The following ZNF595 variants were observed in gnomAD, a reference collection of about 807,000 sequenced individuals.
The protein encoded by ZNF595 is zinc finger protein 595.
ZNF595 carries 9 observed loss-of-function variants against 19.4 expected under a neutral mutation model. The ratio of observed to expected loss-of-function variants is 0.46; its 90% confidence interval spans 0.28 to 0.81. The LOEUF is 0.81. Ranked by LOEUF, ZNF595 falls within the 30% of genes least tolerant of loss-of-function variation. The pLI is 0.11. For missense variants in ZNF595, 729 were observed against 736.0 expected (o/e 0.99, Z 0.11); for synonymous variants, 255 against 255.9 (o/e 1.00, Z 0.03).
At chr4:72,500 A>C (rs541885978) in intron 3 of ZNF595, among the ~76,000 whole-genome samples, 1 of 152,294 alleles carries the variant, frequency 6.6e-6, no homozygotes, top group East Asian at 1.9e-4. Flanking sequence ...ATGGTGGAGA[A>C]TTTGCAATAG....
intron 3 of ZNF595, among the ~76,000 whole-genome samples, chr4:79,313 A>T (rs1449202572): frequency 6.6e-6 from 1 of 152,210 alleles, no homozygotes; most frequent in Non-Finnish European, 1.5e-5. Context: ...TTGTATGTAT[A>T]TGTCACATTT....
In ZNF595 at chr4:87,247, A is replaced by C. The variant is rs375240093; in HGVS notation, c.1743A>C (p.Lys581Asn). The C allele has an allele frequency of 3.1e-6, 5 of 1,594,742 alleles. No homozygotes were observed. In the African/African-American group the frequency reaches 5.4e-5, roughly 17 times the overall value. The change falls in exon 4 of 4, where the codon AAA becomes AAC. Residue 581 changes from lysine to asparagine, a missense_variant. This residue lies in a region of ZNF595 where 729 missense variants were observed against 675.3 expected (regional missense o/e 1.08). Coordinates refer to ENST00000610261, the MANE Select transcript of ZNF595 (RefSeq NM_182524.4). ...KAYNLSSTLT[K>N]HKRIHTGEKP... is the part of the protein sequence containing the mutation. Reference sequence around the variant, plus strand: ...ATAACTTATCCTCAACCCTTACTAAACATAAGAGAATTCATACTGGAGAGA... The same window carrying C: ...ATAACTTATCCTCAACCCTTACTAACCATAAGAGAATTCATACTGGAGAGA...
chr4:61,545 T>C (rs1341452810), intron 3 of ZNF595, among the ~76,000 whole-genome samples: 7 of 152,052 alleles, frequency 4.6e-5, no homozygotes, highest in African/African-American at 1.7e-4. Context: ...TATTATCTTA[T>C]AATTTTGTCT....
chr4:61,157 CTTTTTTT>C (rs1212049874), intron 3 of ZNF595, among the ~76,000 whole-genome samples: 43 of 147,476 alleles, frequency 2.9e-4, no homozygotes, highest in Admixed American at 5.4e-4. Flanking sequence ...TTCTTTTTTT[CTTTTTTT>C]TTTTTTTGAG....
At chr4:72,321 C>T (rs1713465390) in intron 3 of ZNF595, among the ~76,000 whole-genome samples, 1 of 151,874 alleles carries the variant, frequency 6.6e-6, no homozygotes, top group South Asian at 2.1e-4. Context: ...GGAGCTATTT[C>T]ACACAGAATC....
intron 3 of ZNF595, among the ~76,000 whole-genome samples, chr4:61,014 T>C (rs1712836916): frequency 1.3e-5 from 2 of 152,084 alleles, no homozygotes; most frequent in Admixed American, 6.5e-5. Context: ...TGATAGCCGA[T>C]GAGCTAAGAA....
chr4:85,325 A>G (rs1714086398), intron 3 of ZNF595, among the ~76,000 whole-genome samples: 1 of 152,184 alleles, frequency 6.6e-6, no homozygotes, highest in Non-Finnish European at 1.5e-5. Context: ...CAGAAACCAG[A>G]TTTTGTAAAG....
At position 86,973 on chromosome 4, in the gene ZNF595, T is replaced by C. The variant is rs1340844974; in HGVS notation, c.1469T>C (p.Ile490Thr). ...TGTGAAGAATGTGGCAAAGCTTTCATATGGTCCGCAAGCCTGAATGAACAT... is the reference window on the plus strand; with the variant it reads ...TGTGAAGAATGTGGCAAAGCTTTCACATGGTCCGCAAGCCTGAATGAACAT... ...YKCEECGKAF[I>T]WSASLNEHKN... The change falls in exon 4 of 4, where the codon ATA (isoleucine) becomes ACA (threonine). Residue 490 changes from isoleucine to threonine, a missense_variant. By Grantham distance (89) the Ile-to-Thr change is moderately conservative. Transcript: ENST00000610261. The C allele has an allele frequency of 1.9e-6, 3 of 1,604,948 alleles. No homozygotes were observed. Among genetic ancestry groups the C allele is most frequent in the Non-Finnish European group, 2.5e-6 (3 of 1,177,312 alleles).
chr4:82,186 T>G (rs1265352456), intron 3 of ZNF595, among the ~76,000 whole-genome samples: 1 of 152,118 alleles, frequency 6.6e-6, no homozygotes, highest in Non-Finnish European at 1.5e-5. Context: ...CCCTTGAAAT[T>G]CCCTATAATT....
intron 3 of ZNF595, among the ~76,000 whole-genome samples, chr4:69,523 T>G (rs1283661750): frequency 1.3e-5 from 2 of 152,220 alleles, no homozygotes; most frequent in Non-Finnish European, 2.9e-5. Context: ...TATACCTTTT[T>G]GTTATTTGTA....
chr4:77,533 C>T (rs1713722332), intron 3 of ZNF595, among the ~76,000 whole-genome samples: 1 of 152,148 alleles, frequency 6.6e-6, no homozygotes, highest in Non-Finnish European at 1.5e-5. Context: ...ATACCTCTTT[C>T]AGTCATTACA....
In ZNF595 at chr4:85,991, C is replaced by A; in HGVS notation, c.487C>A (p.His163Asn). The stretch of plus-strand genomic sequence containing the variant: ...TAGTAAATTTTCAAATTCAAACAAA[C>A]ATAAGATAAGACATACTGGAGAGAA... Reference protein sequence around the residue: ...VFSKFSNSNKHKIRHTGEKPF... With the variant: ...VFSKFSNSNKNKIRHTGEKPF... Residue 163 changes from histidine to asparagine, a missense_variant, in exon 4 of 4, where the codon CAT (histidine) becomes AAT (asparagine). Transcript: ENST00000610261. The A allele has an allele frequency of 6.2e-7, 1 of 1,607,794 alleles. No individual in the cohort carries two copies. Among genetic ancestry groups the A allele is most frequent in the East Asian group, 2.2e-5 (1 of 44,676 alleles).
Sources: allele counts gnomAD v4.1 joint callset (sites outside exome capture counted in the v4.1 genomes callset), GRCh38; gene constraint gnomAD v4.1.1; regional missense constraint gnomAD v4.1.1; transcripts MANE v1.5; gene names NCBI Gene and HGNC (gene_info 2026-07-23, HGNC 2026-07-21).